The following FRAS1 variants were observed in gnomAD, a reference collection of about 807,000 sequenced individuals.
FRAS1 encodes the protein Fraser extracellular matrix complex subunit 1.
In FRAS1, 290 loss-of-function variants were observed where a neutral mutation model predicts 435.2. That is an observed-to-expected ratio of 0.67 (90% confidence interval 0.61 to 0.73). The LOEUF is 0.73. Among genes scored for constraint, FRAS1 ranks in the 30% least tolerant of loss-of-function variants. The pLI, the probability that FRAS1 is intolerant of heterozygous loss-of-function variation, is 0.00. For synonymous variants in FRAS1, 1,800 were observed against 1,851.0 expected (o/e 0.97, Z 0.71); for missense variants, 4,860 against 5,001.5 (o/e 0.97, Z 0.85).
chr4:78,439,169 C>A, intron 40 of FRAS1, 105 bp downstream of exon 40: 1 of 920,228 alleles, frequency 1.1e-6, no homozygotes, highest in South Asian at 1.6e-5. Flanking sequence ...AATATTTCCC[C>A]CAAAATATCC....
At chr4:78,518,450 A>ATATATATATATTTATTTATT (rs1487744216) in intron 66 of FRAS1, among the ~76,000 whole-genome samples, 1 of 69,334 alleles carries the variant, frequency 1.4e-5, no homozygotes, top group African/African-American at 3.8e-5. Flanking sequence ...ATATATATAT[A>ATATATATATATTTATTTATT]TATTTATTTA....
At chr4:78,284,120 T>G (rs2110183116) in intron 12 of FRAS1, among the ~76,000 whole-genome samples, 1 of 152,122 alleles carries the variant, frequency 6.6e-6, no homozygotes, top group Admixed American at 6.5e-5. Flanking sequence ...TTTCTTGAAG[T>G]ATTCCAGCAG....
rs776129303 is a variant in FRAS1, at chr4:78,315,666, T to G, written c.1751T>G (p.Leu584Arg). The G allele has an allele frequency of 2.5e-6, 4 of 1,614,030 alleles. No individual in the cohort carries two copies. Among genetic ancestry groups the G allele is most frequent in the South Asian group, 2.2e-5 (2 of 91,090 alleles). ...CTTACCTGTACTGAGAAGACAGTGC[T>G]GCATGATGGGAAATGCATGTCTGAA... The part of the protein sequence containing the change: ...RCLTCTEKTV[L>R]HDGKCMSECP... Residue 584 changes from leucine to arginine, a missense_variant, in exon 16 of 74, where the codon CTG becomes CGG. By Grantham distance (102) the Leu-to-Arg change is moderately radical. Transcript: ENST00000512123.
At chr4:78,122,841 A>C (rs1719108344) in intron 2 of FRAS1, among the ~76,000 whole-genome samples, 1 of 151,930 alleles carries the variant, frequency 6.6e-6, no homozygotes, top group Non-Finnish European at 1.5e-5. Context: ...TTTTCTTGTA[A>C]ATTTGTTTAA....
chr4:78,181,505 C>G, intron 2 of FRAS1: 1 of 1,611,674 alleles, frequency 6.2e-7, no homozygotes, highest in Non-Finnish European at 8.5e-7. Flanking sequence ...TCCATCTCCT[C>G]GGCCCATTCC....
At chr4:78,135,027 A>G (rs767281621) in intron 2 of FRAS1, among the ~76,000 whole-genome samples, 3 of 152,148 alleles carry the variant, frequency 2.0e-5, no homozygotes, top group African/African-American at 7.2e-5. Flanking sequence ...GTAGGGTTTA[A>G]TTGTAGGAAA....
In FRAS1 at chr4:78,374,097, C is replaced by G; in HGVS notation, c.3011-14C>G. ...GCCACACAGATTCCTGATGACTTGACTTTTGTCTTTCAGACTGTGACAGCT... is the reference window on the plus strand; with the variant it reads ...GCCACACAGATTCCTGATGACTTGAGTTTTGTCTTTCAGACTGTGACAGCT... On this transcript the variant is annotated splice_polypyrimidine_tract_variant and intron_variant, in intron 24 of 73. Transcript: ENST00000512123. The G allele has an allele frequency of 6.4e-7, 1 of 1,559,488 alleles. No individual in the cohort carries two copies. The highest frequency in any genetic ancestry group is 1.4e-5 in the African/African-American group (1 of 74,046).
rs1045264021 is a variant in FRAS1, at chr4:78,153,118, T to G, written c.109-84392T>G. Among the ~76,000 whole-genome samples the G allele has an allele frequency of 5.9e-5, 9 of 152,160 alleles. No homozygotes were observed. In the South Asian group the frequency reaches 8.3e-4, roughly 14 times the overall value. The stretch of plus-strand genomic sequence containing the variant: ...TTCCACACTGATGCTGCAATGATCT[T>G]CCTAACTTAAAGACTTATCTTATCC... On this transcript the variant is annotated intron_variant, in intron 2 of 73. Transcript: ENST00000512123.
intron 65 of FRAS1, 113 bp downstream of exon 65, chr4:78,513,665 A>G: frequency 2.0e-6 from 2 of 975,830 alleles, no homozygotes; most frequent in Middle Eastern, 3.0e-4. Flanking sequence ...CAGAATCCAC[A>G]TATTAGTGGT....
rs533732866 is a variant in FRAS1 at position 78,112,105 on chromosome 4, T to C, written c.108+46089T>C. On this transcript the variant is annotated intron_variant, in intron 2 of 73. Transcript: ENST00000512123. Reference sequence around the variant, plus strand: ...GGGAATGTGTTGCCCTTTTTTTCTGTATTTTTCATATCATGAATCTAAATT... The same window carrying C: ...GGGAATGTGTTGCCCTTTTTTTCTGCATTTTTCATATCATGAATCTAAATT... 2.0e-5 allele frequency among the ~76,000 whole-genome samples: 3 copies of C among 152,316 alleles called. No homozygotes were observed. The South Asian group carries it at 6.2e-4, about 32-fold the overall frequency.
chr4:78,112,330 C>T (rs1742779785), intron 2 of FRAS1, among the ~76,000 whole-genome samples: 1 of 152,158 alleles, frequency 6.6e-6, no homozygotes, highest in Admixed American at 6.6e-5. Context: ...CCAATCACTT[C>T]ATACACATAT....
At chr4:78,420,148 C>T (rs1451786565) in intron 33 of FRAS1, among the ~76,000 whole-genome samples, 1 of 152,202 alleles carries the variant, frequency 6.6e-6, no homozygotes, top group Non-Finnish European at 1.5e-5. Context: ...TGGGACTGTT[C>T]TCCCAAGACT....
intron 9 of FRAS1, among the ~76,000 whole-genome samples, chr4:78,271,235 C>A (rs1726661610): frequency 6.6e-6 from 1 of 151,486 alleles, no homozygotes; most frequent in East Asian, 1.9e-4. Flanking sequence ...TAATACAGGC[C>A]CCAAATTAAA....
intron 40 of FRAS1, among the ~76,000 whole-genome samples, chr4:78,440,100 G>A (rs1481525784): frequency 2.1e-5 from 3 of 144,124 alleles, no homozygotes; most frequent in African/African-American, 5.2e-5. Context: ...GCGCAATCTC[G>A]GCTCACTGCA....
chr4:78,394,478 T>TTA (rs1456531459), intron 29 of FRAS1, among the ~76,000 whole-genome samples: 1 of 152,030 alleles, frequency 6.6e-6, no homozygotes, highest in East Asian at 1.9e-4. Flanking sequence ...TTTCCTTATT[T>TTA]TATATTCTTT....
At chr4:78,203,142 G>A (rs894549300) in intron 2 of FRAS1, among the ~76,000 whole-genome samples, 6 of 152,264 alleles carry the variant, frequency 3.9e-5, no homozygotes, top group Middle Eastern at 3.4e-3. Context: ...AGACTGGTTC[G>A]ATTTGTTTAA....
chr4:78,347,104 C>T lies in FRAS1; in HGVS notation c.2422+9287C>T, dbSNP rs984170110. 3.3e-5 allele frequency among the ~76,000 whole-genome samples: 5 copies of T among 152,278 alleles called. No individual in the cohort carries two copies. The East Asian group carries it at 7.7e-4, about 23-fold the overall frequency. ...GCAAAGAAAACCCTTCATCTTCATC[C>T]CTCCCACCTCCACAGGTGCTTTTCT... On this transcript the variant is annotated intron_variant, in intron 20 of 73. Coordinates refer to ENST00000512123, the MANE Select transcript of FRAS1 (RefSeq NM_025074.7).
At position 78,522,780 on chromosome 4, in the gene FRAS1, C is replaced by T. The variant is rs1356981550; in HGVS notation, c.10780C>T (p.Leu3594Phe). ...TCAGACTTTTGATTCTCCACATCAA[C>T]TCTGGAGAGCCACAAGCTCTTATAA... ...SAQTFDSPHQ[L>F]WRATSSYNRK... The change falls in exon 69 of 74, where the codon CTC (leucine) becomes TTC (phenylalanine). Residue 3594 changes from leucine to phenylalanine, a missense_variant. Leu to Phe is a conservative substitution (Grantham distance 22, BLOSUM62 0). Coordinates refer to ENST00000512123, the MANE Select transcript of FRAS1 (RefSeq NM_025074.7). The T allele has an allele frequency of 1.2e-6, 2 of 1,611,418 alleles. No individual in the cohort carries two copies. Among genetic ancestry groups the T allele is most frequent in the South Asian group, 1.1e-5 (1 of 90,468 alleles).
Position 78,252,416 on chromosome 4 carries a change from C to G in FRAS1, c.334C>G (p.Pro112Ala), listed in dbSNP as rs1347043145. Reference sequence around the variant, plus strand: ...GCATGGGACAGAATGGGCCTCTTCTCCATGTAGTGTGTGCTCTTGCAATCA... The same window carrying G: ...GCATGGGACAGAATGGGCCTCTTCTGCATGTAGTGTGTGCTCTTGCAATCA... ...HEHGTEWASS[P>A]CSVCSCNHGE... The change falls in exon 5 of 74, where the codon CCA becomes GCA. Residue 112 changes from proline (P) to alanine (A), a missense_variant. By Grantham distance (27) the Pro-to-Ala change is conservative. Coordinates refer to ENST00000512123, the MANE Select transcript of FRAS1 (RefSeq NM_025074.7). 2 of 1,613,388 alleles carry G rather than the reference C, an allele frequency of 1.2e-6. No homozygotes were observed. Among genetic ancestry groups the G allele is most frequent in the South Asian group, 2.2e-5 (2 of 91,066 alleles).
Sources: gnomAD v4.1 joint callset for allele counts (sites outside exome capture counted in the v4.1 genomes callset) on GRCh38, gnomAD v4.1.1 for gene constraint, MANE v1.5 for transcripts, NCBI Gene and HGNC (gene_info 2026-07-23, HGNC 2026-07-21) for gene names.